The following FMN2 variants were observed in gnomAD, a reference collection of about 807,000 sequenced individuals.
FMN2 encodes formin-2.
Under a neutral mutation model 142.3 loss-of-function variants are expected in FMN2, and 51 were observed. That is an observed-to-expected ratio of 0.36 (90% CI 0.29 to 0.45). FMN2 has a LOEUF of 0.45. Among genes scored for constraint, FMN2 ranks in the 20% least tolerant of loss-of-function variants. The pLI, the probability that FMN2 is intolerant of heterozygous loss-of-function variation, is 1.00. For missense variants in FMN2, 1,936 were observed against 2,122.8 expected, an observed-to-expected ratio of 0.91 and a Z score of 1.73; for synonymous variants, 882 against 869.8, an observed-to-expected ratio of 1.01 and a Z score of -0.25.
intron 6 of FMN2, among the ~76,000 whole-genome samples, chr1:240,247,231 G>A (rs1668110751): frequency 6.6e-6 from 1 of 152,172 alleles, no homozygotes. Flanking sequence ...GGCTGGGAGT[G>A]GTGGCTCAAG....
intron 7 of FMN2, among the ~76,000 whole-genome samples, chr1:240,265,920 T>G (rs1457511088): frequency 1.3e-5 from 2 of 151,174 alleles, no homozygotes; most frequent in African/African-American, 2.4e-5. Context: ...GGGGTTTGTT[T>G]TTTTTTTTTT....
At chr1:240,235,331 G>A (rs1378716415) in intron 6 of FMN2, among the ~76,000 whole-genome samples, 1 of 152,004 alleles carries the variant, frequency 6.6e-6, no homozygotes, top group Non-Finnish European at 1.5e-5. Context: ...AGTTAATATT[G>A]CTATGATATT....
chr1:240,200,654 T>A (rs58732417), intron 4 of FMN2, among the ~76,000 whole-genome samples: 3,279 of 152,180 alleles, frequency 0.022, 129 homozygotes, highest in African/African-American at 0.074. Context: ...AAAGGGGGAT[T>A]GTAACATTAA....
chr1:240,092,596 G>A lies in FMN2; in HGVS notation c.487G>A (p.Val163Met), dbSNP rs1413196231. 3 of 1,613,876 alleles carry A rather than the reference G, an allele frequency of 1.9e-6. No homozygotes were observed. The highest frequency in any genetic ancestry group is 1.6e-4 in the Middle Eastern group (1 of 6,084). The stretch of plus-strand genomic sequence containing the variant: ...CGGGGGCCGGCCGATCGCCGAGGAT[G>A]TGGAAACTGCAGCAGGGGCGCAGGA... ...RVGGRPIAED[V>M]ETAAGAQDGQ... Residue 163 changes from valine to methionine, a missense_variant, in exon 1 of 18, where the codon GTG becomes ATG. Around this residue, in one of 8 missense-constraint regions of FMN2, gnomAD observed 751 missense variants for 791.8 expected, o/e 0.95. Transcript: ENST00000319653.
At chr1:240,438,039 T>C (rs1377628264) in intron 15 of FMN2, 22 bp from the exon 16 acceptor site, 2 of 1,606,108 alleles carry the variant, frequency 1.2e-6, no homozygotes, top group East Asian at 4.5e-5. Flanking sequence ...TTTTATGCTT[T>C]TGTGTGTGTA....
intron 13 of FMN2, among the ~76,000 whole-genome samples, chr1:240,348,343 T>G (rs1671982340): frequency 6.6e-6 from 1 of 151,590 alleles, no homozygotes; most frequent in South Asian, 2.1e-4. Flanking sequence ...TGACTCAGCC[T>G]CTCAAATAGC....
chr1:240,149,720 C>T (rs1663681614), intron 2 of FMN2, among the ~76,000 whole-genome samples: 1 of 152,194 alleles, frequency 6.6e-6, no homozygotes, highest in Non-Finnish European at 1.5e-5. Flanking sequence ...ATTCTCAGAA[C>T]AGTATTCATT....
In FMN2 at chr1:240,206,915, C is replaced by A. The variant is rs1666372328; in HGVS notation, c.2103C>A (p.Asp701Glu). The A allele has an allele frequency of 6.2e-7, 1 of 1,614,030 alleles. No individual in the cohort carries two copies. Among genetic ancestry groups the A allele is most frequent in the Non-Finnish European group, 8.5e-7 (1 of 1,180,030 alleles). ...TAGAGAGGCAGTATCCTGCCCTGGA[C>A]ACAGAGGTGGCCAGTGGTCATCAAG... ...AELERQYPAL[D>E]TEVASGHQGL... is the part of the protein sequence containing the mutation. Residue 701 changes from aspartate (D) to glutamate (E), a missense_variant, in exon 5 of 18, where the codon GAC (aspartate) becomes GAA (glutamate). Physicochemically the swap from Asp to Glu is conservative, Grantham distance 45 (BLOSUM62 2). Transcript: ENST00000319653.
intron 2 of FMN2, chr1:240,144,116 A>T: frequency 1.7e-6 from 2 of 1,180,580 alleles, no homozygotes; most frequent in South Asian, 1.2e-5. Flanking sequence ...CACCATCCAC[A>T]TCCCACAGCA....
chr1:240,390,940 C>T (rs2103096045), intron 14 of FMN2, among the ~76,000 whole-genome samples: 1 of 152,286 alleles, frequency 6.6e-6, no homozygotes, highest in Non-Finnish European at 1.5e-5. Context: ...AAAAAATAAC[C>T]TTCCTGAAAA....
chr1:240,354,425 G>A (rs1160456870), intron 13 of FMN2, among the ~76,000 whole-genome samples: 1 of 152,164 alleles, frequency 6.6e-6, no homozygotes, highest in Non-Finnish European at 1.5e-5. Context: ...GGAGGTGGCA[G>A]GTTTAGAGAA....
chr1:240,357,896 C>A (rs138152760), intron 14 of FMN2, among the ~76,000 whole-genome samples: 3 of 152,118 alleles, frequency 2.0e-5, no homozygotes, highest in Non-Finnish European at 4.4e-5. Flanking sequence ...CGTGGGCCAC[C>A]GAGCCCAGCC....
At chr1:240,234,767 C>CT (rs1267763176) in intron 6 of FMN2, among the ~76,000 whole-genome samples, 1 of 152,146 alleles carries the variant, frequency 6.6e-6, no homozygotes, top group Non-Finnish European at 1.5e-5. Flanking sequence ...CCTGAGGAAA[C>CT]TAAGGTTTAT....
At chr1:240,252,480 A>C (rs532582264) in intron 6 of FMN2, among the ~76,000 whole-genome samples, 2 of 151,552 alleles carry the variant, frequency 1.3e-5, no homozygotes, top group Non-Finnish European at 2.9e-5. Context: ...TTGCTTGTCT[A>C]GGAAAGACTG....
rs551932994 is a variant in FMN2, at chr1:240,455,435, A to G, written c.5061-16937A>G. On this transcript the variant is annotated intron_variant, in intron 16 of 17. Transcript: ENST00000319653. ...GAGGCACACTACAATTGAGATAACA[A>G]TTGCTGAAGATGGTATTGATGCTGC... Among the ~76,000 whole-genome samples, 3 of 152,234 alleles carry G rather than the reference A, an allele frequency of 2.0e-5. No individual in the cohort carries two copies. The South Asian group carries it at 6.2e-4, about 32-fold the overall frequency.
chr1:240,211,561 T>C (rs1186148130), intron 6 of FMN2, among the ~76,000 whole-genome samples: 5 of 152,234 alleles, frequency 3.3e-5, no homozygotes, highest in Admixed American at 2.6e-4. Context: ...TGAGTGCTCC[T>C]ATGGATGGAA....
At chr1:240,163,852 C>G (rs556142589) in intron 2 of FMN2, among the ~76,000 whole-genome samples, 2 of 151,250 alleles carry the variant, frequency 1.3e-5, no homozygotes, top group African/African-American at 4.8e-5. Flanking sequence ...GTAATTTTAC[C>G]AACTATCTTT....
At chr1:240,171,801 C>T (rs1664712942) in intron 2 of FMN2, among the ~76,000 whole-genome samples, 1 of 152,152 alleles carries the variant, frequency 6.6e-6, no homozygotes, top group African/African-American at 2.4e-5. Context: ...CTAAAAGTAA[C>T]TTTTCTCTTT....
chr1:240,325,970 T>C (rs940193015), intron 8 of FMN2, among the ~76,000 whole-genome samples: 6 of 152,190 alleles, frequency 3.9e-5, no homozygotes, highest in Non-Finnish European at 8.8e-5. Flanking sequence ...CAAACAATGT[T>C]ACATATTGGT....
Sources: allele counts gnomAD v4.1 joint callset (sites outside exome capture counted in the v4.1 genomes callset), GRCh38; gene constraint gnomAD v4.1.1; regional missense constraint gnomAD v4.1.1; transcripts MANE v1.5; gene names NCBI Gene and HGNC (gene_info 2026-07-23, HGNC 2026-07-21).